The following DPYD variants were observed in gnomAD, a reference collection of about 807,000 sequenced individuals.
DPYD encodes dihydropyrimidine dehydrogenase, also known as dihydropyrimidine dehydrogenase [NADP(+)].
A neutral mutation model predicts 116.2 loss-of-function variants in DPYD; 109 were observed. The ratio of observed to expected loss-of-function variants is 0.94; its 90% confidence interval spans 0.80 to 1.10. The LOEUF is 1.10. Ranked by LOEUF, DPYD falls within the 50% of genes least tolerant of loss-of-function variation. The pLI is 0.00. For synonymous variants in DPYD, 440 were observed against 432.0 expected (o/e 1.02, Z -0.23); for missense variants, 1,302 against 1,254.5 (o/e 1.04, Z -0.57).
chr1:97,248,058 A>G (rs1229105533), intron 18 of DPYD, among the ~76,000 whole-genome samples: 1 of 152,240 alleles, frequency 6.6e-6, no homozygotes, highest in Non-Finnish European at 1.5e-5. Flanking sequence ...AAACTAAAGG[A>G]AAATAAAATT....
intron 18 of DPYD, among the ~76,000 whole-genome samples, chr1:97,301,715 C>T (rs992757644): frequency 2.0e-5 from 3 of 149,198 alleles, no homozygotes; most frequent in Non-Finnish European, 4.5e-5. Flanking sequence ...CTCATGAAGT[C>T]AGCTGCAAGA....
intron 20 of DPYD, 99 bp downstream of exon 20, chr1:97,192,970 T>C: frequency 7.4e-7 from 1 of 1,356,864 alleles, no homozygotes; most frequent in Non-Finnish European, 1.0e-6. Flanking sequence ...GGAGGCACTG[T>C]GTTTCCTTTG....
rs1661822856 is a variant in DPYD, at chr1:97,235,093, G to A, written c.2300-99C>T. 1.9e-5 allele frequency: 27 copies of A among 1,424,964 alleles called. No individual in the cohort carries two copies. In the South Asian group the frequency reaches 3.1e-4, roughly 16 times the overall value. The allele number at this position is 1,424,964 out of a possible 1,614,324, so 88.3% of individuals were successfully genotyped here. A position where few individuals can be genotyped will look rare whatever the true frequency, so the allele number is the denominator to read the frequency against. On this transcript the variant is annotated intron_variant, in intron 18 of 22. Coordinates refer to ENST00000370192, the MANE Select transcript of DPYD (RefSeq NM_000110.4). The stretch of plus-strand genomic sequence containing the variant: ...CTATGATGTGATGACAGCGTCACTG[G>A]ACAAATTTCAAATTACTTTATCTCT...
At chr1:97,672,211 T>A (rs1298509173) in intron 8 of DPYD, among the ~76,000 whole-genome samples, 1 of 152,174 alleles carries the variant, frequency 6.6e-6, no homozygotes, top group African/African-American at 2.4e-5. Context: ...CCACTGTCAA[T>A]ATTGCTGATA....
At chr1:97,672,132 CT>C (rs1659903691) in intron 8 of DPYD, among the ~76,000 whole-genome samples, 1 of 151,870 alleles carries the variant, frequency 6.6e-6, no homozygotes, top group African/African-American at 2.4e-5. Context: ...CTAAAATAGA[CT>C]TCTCTGTCTA....
chr1:97,547,253 A>G (rs868022829), intron 12 of DPYD, among the ~76,000 whole-genome samples: 1 of 152,168 alleles, frequency 6.6e-6, no homozygotes, highest in African/African-American at 2.4e-5. Flanking sequence ...TACTCTGAAA[A>G]TAAGAGTAGA....
At chr1:97,428,813 T>C (rs1675014878) in intron 14 of DPYD, among the ~76,000 whole-genome samples, 1 of 151,962 alleles carries the variant, frequency 6.6e-6, no homozygotes, top group Non-Finnish European at 1.5e-5. Flanking sequence ...TGTTTTTATG[T>C]TTGCTCATGT....
At chr1:97,546,936 AGAG>A (rs1343425795) in intron 12 of DPYD, 1 of 1,606,908 alleles carries the variant, frequency 6.2e-7, no homozygotes, top group African/African-American at 1.3e-5. Context: ...TTGAGGAAGA[AGAG>A]GAGGAAGAGG....
intron 18 of DPYD, among the ~76,000 whole-genome samples, chr1:97,252,132 T>C (rs1480600734): frequency 1.3e-5 from 2 of 151,856 alleles, no homozygotes; most frequent in Non-Finnish European, 2.9e-5. Flanking sequence ...ATGGTGGATT[T>C]GTAATGAAGT....
chr1:97,497,759 A>G (rs1167112486), intron 13 of DPYD, among the ~76,000 whole-genome samples: 1 of 151,744 alleles, frequency 6.6e-6, no homozygotes, highest in Admixed American at 6.6e-5. Context: ...GCTGCTTTGG[A>G]AAACAGTTTA....
Position 97,624,774 on chromosome 1 carries a change from T to C in DPYD, c.851-29608A>G, listed in dbSNP as rs550538201. Among the ~76,000 whole-genome samples the C allele has an allele frequency of 1.4e-3, 215 of 152,146 alleles. 1 individual carries two copies. Among genetic ancestry groups the C allele is most frequent in the African/African-American group, 5.0e-3 (207 of 41,536 alleles). ...TGTATATATACAGTATGAAATACTA[T>C]TCGGACTTAAAAAAGGGAAATTTTA... On this transcript the variant is annotated intron_variant, in intron 8 of 22. Coordinates refer to ENST00000370192, the MANE Select transcript of DPYD (RefSeq NM_000110.4).
chr1:97,512,093 T>C (rs1436494300), intron 13 of DPYD, among the ~76,000 whole-genome samples: 5 of 151,934 alleles, frequency 3.3e-5, no homozygotes, highest in Non-Finnish European at 7.4e-5. Flanking sequence ...AAACTCGATA[T>C]GCTCTTGCCA....
intron 14 of DPYD, among the ~76,000 whole-genome samples, chr1:97,440,861 A>T (rs188646516): frequency 6.6e-6 from 1 of 152,226 alleles, no homozygotes; most frequent in Non-Finnish European, 1.5e-5. Flanking sequence ...TGCCTAAAAC[A>T]GTTTAACATT....
chr1:97,260,426 G>T (rs2100847003), intron 18 of DPYD, among the ~76,000 whole-genome samples: 1 of 152,056 alleles, frequency 6.6e-6, no homozygotes, highest in Non-Finnish European at 1.5e-5. Flanking sequence ...AGCCAAAAAA[G>T]ACAATGAAAG....
rs117618163 is a variant in DPYD, at chr1:97,130,649, C to A, written c.2623-32017G>T. Among the ~76,000 whole-genome samples, 499 of 151,364 alleles carry A rather than the reference C, an allele frequency of 3.3e-3. 16 individuals are homozygous for A. The East Asian group carries it at 0.071, about 21-fold the overall frequency. ...CCATCTGATCTTTTCCTTTCCTTTCCTCTCCTCTATCCTTTTCTTTTTTCC... is the reference window on the plus strand; with the variant it reads ...CCATCTGATCTTTTCCTTTCCTTTCATCTCCTCTATCCTTTTCTTTTTTCC... On this transcript the variant is annotated intron_variant, in intron 20 of 22. Transcript: ENST00000370192.
chr1:97,510,981 A>G (rs1368103432), intron 13 of DPYD, among the ~76,000 whole-genome samples: 1 of 151,868 alleles, frequency 6.6e-6, no homozygotes, highest in East Asian at 1.9e-4. Flanking sequence ...GCAATCCCAC[A>G]TGATTGCTAT....
chr1:97,763,009 T>C (rs1160509883), intron 3 of DPYD, among the ~76,000 whole-genome samples: 1 of 152,138 alleles, frequency 6.6e-6, no homozygotes, highest in Non-Finnish European at 1.5e-5. Flanking sequence ...CTACAGAGTC[T>C]AGCAAAGTGT....
In DPYD at chr1:97,546,458, G is replaced by A. The variant is rs1218296736; in HGVS notation, c.1524+3102C>T. The A allele has an allele frequency of 1.9e-6, 3 of 1,603,202 alleles. No homozygotes were observed. In the African/African-American group the frequency reaches 4.0e-5, roughly 21 times the overall value. The stretch of plus-strand genomic sequence containing the variant: ...TCCTGAAGTGAGAAAGATGATGGTA[G>A]TGACAGAGACTCTGATAGAGAGCAA... On this transcript the variant is annotated intron_variant, in intron 12 of 22. Transcript: ENST00000370192.
At chr1:97,886,862 G>A (rs957251579) in intron 1 of DPYD, among the ~76,000 whole-genome samples, 1 of 151,954 alleles carries the variant, frequency 6.6e-6, no homozygotes, top group Non-Finnish European at 1.5e-5. Flanking sequence ...CATAAGATGA[G>A]TTCTCCTGGA....
Sources: allele counts gnomAD v4.1 joint callset (sites outside exome capture counted in the v4.1 genomes callset), GRCh38; gene constraint gnomAD v4.1.1; transcripts MANE v1.5; gene names NCBI Gene and HGNC (gene_info 2026-07-23, HGNC 2026-07-21).